Variants in SLAIN1 observed in about 807,000 individuals in gnomAD.
The protein encoded by SLAIN1 is SLAIN motif-containing protein 1.
A neutral mutation model predicts 55.4 loss-of-function variants in SLAIN1; 17 were observed. The ratio of observed to expected loss-of-function variants is 0.31; its 90% CI spans 0.21 to 0.46. SLAIN1 has a LOEUF of 0.46. Ranked by LOEUF, SLAIN1 falls within the 20% of genes least tolerant of loss-of-function variation. SLAIN1 has a pLI of 1.00. For missense variants in SLAIN1, 682 were observed against 785.1 expected, an observed-to-expected ratio of 0.87 and a Z score of 1.57; for synonymous variants, 348 against 337.4, an observed-to-expected ratio of 1.03 and a Z score of -0.35.
In SLAIN1 at chr13:77,744,382, A is replaced by G; in HGVS notation, c.866A>G (p.Lys289Arg). ...GATGATTCTATCTCCATGGGATATA[A>G]ATTACAGGACCTCACTGATGTTCAG... is the stretch of plus-strand genomic sequence containing the variant. ...LEDDSISMGYKLQDLTDVQIM... is the reference protein window; with the variant it reads ...LEDDSISMGYRLQDLTDVQIM... Residue 289 changes from lysine (K) to arginine (R), a missense_variant, in exon 3 of 7, where the codon AAA becomes AGA. By Grantham distance (26) the Lys-to-Arg change is conservative. Around this residue, in one of 3 missense-constraint regions of SLAIN1, gnomAD observed 401 missense variants for 417.3 expected, o/e 0.96. Coordinates refer to ENST00000418532, the MANE Select transcript of SLAIN1 (RefSeq NM_001242868.2). The G allele has an allele frequency of 6.2e-7, 1 of 1,612,848 alleles. No individual in the cohort carries two copies.
intron 5 of SLAIN1, among the ~76,000 whole-genome samples, chr13:77,760,187 G>A (rs2154411051): frequency 6.6e-6 from 1 of 152,214 alleles, no homozygotes; most frequent in South Asian, 2.1e-4. Context: ...AAAAACTTCT[G>A]CCTACCAGTT....
At position 77,719,608 on chromosome 13, in the gene SLAIN1, C is replaced by G; in HGVS notation, c.703C>G (p.Leu235Val). The change falls in exon 2 of 7, where the codon CTA becomes GTA. Residue 235 changes from leucine to valine, a missense_variant. Coordinates refer to ENST00000418532, the MANE Select transcript of SLAIN1 (RefSeq NM_001242868.2). ...LTPLQWCRHV[L>V]DNPTPEMEAA... The stretch of plus-strand genomic sequence containing the variant: ...TCCTTTGCAGTGGTGTAGACATGTC[C>G]TAGATAACCCAACTCCTGAGATGGA... The G allele has an allele frequency of 6.2e-7, 1 of 1,613,466 alleles. No individual in the cohort carries two copies.
chr13:77,736,869 T>G (rs1873147823), intron 2 of SLAIN1, among the ~76,000 whole-genome samples: 1 of 152,016 alleles, frequency 6.6e-6, no homozygotes. Context: ...TTTCTCAGTT[T>G]CCTTTACTCA....
At chr13:77,762,926 A>G (rs1875154605) in intron 6 of SLAIN1, among the ~76,000 whole-genome samples, 1 of 152,142 alleles carries the variant, frequency 6.6e-6, no homozygotes, top group Admixed American at 6.5e-5. Flanking sequence ...TTCTTGTGCA[A>G]ATACAACATG....
At chr13:77,729,822 G>T (rs2091340361) in intron 2 of SLAIN1, among the ~76,000 whole-genome samples, 2 of 152,136 alleles carry the variant, frequency 1.3e-5, no homozygotes, top group African/African-American at 2.4e-5. Flanking sequence ...TGACCCAGGG[G>T]TATGATCAGA....
intron 5 of SLAIN1, among the ~76,000 whole-genome samples, chr13:77,756,919 G>T (rs1334280681): frequency 6.6e-6 from 1 of 152,116 alleles, no homozygotes; most frequent in Non-Finnish European, 1.5e-5. Flanking sequence ...GCATTGTAAG[G>T]TGCTGGTGAT....
At position 77,714,797 on chromosome 13, in the gene SLAIN1, A is replaced by G. The variant is rs973311481; in HGVS notation, c.627-4735A>G. Among the ~76,000 whole-genome samples the G allele has an allele frequency of 2.6e-5, 4 of 152,156 alleles. No homozygotes were observed. The South Asian group carries it at 6.2e-4, about 24-fold the overall frequency. On this transcript the variant is annotated intron_variant, in intron 1 of 6. Transcript: ENST00000418532. ...GTTAATGTGTAGTGAACAGATTTCA[A>G]CACTTGAAGTTTCCTGTGGCCCCTT...
chr13:77,738,647 T>C (rs532012522), intron 2 of SLAIN1, among the ~76,000 whole-genome samples: 4 of 152,204 alleles, frequency 2.6e-5, no homozygotes, highest in African/African-American at 7.2e-5. Flanking sequence ...TTCTCACTTA[T>C]AAGTGGGAGC....
Position 77,735,342 on chromosome 13 carries a change from G to C in SLAIN1, c.767-8941G>C, listed in dbSNP as rs572137319. Among the ~76,000 whole-genome samples, 7 of 152,150 alleles carry C rather than the reference G, an allele frequency of 4.6e-5. No individual in the cohort carries two copies. The South Asian group carries it at 1.5e-3, about 32-fold the overall frequency. On this transcript the variant is annotated intron_variant, in intron 2 of 6. Coordinates refer to ENST00000418532, the MANE Select transcript of SLAIN1 (RefSeq NM_001242868.2). ...CTTTTCTTGGTCTTTATTACAATAT[G>C]TTATGGAAAACTGTAGTGAAGAAGT... is the stretch of plus-strand genomic sequence containing the variant.
intron 4 of SLAIN1, among the ~76,000 whole-genome samples, chr13:77,747,385 A>G (rs1873912391): frequency 6.6e-6 from 1 of 152,130 alleles, no homozygotes; most frequent in Admixed American, 6.6e-5. Context: ...GCACAGCCTC[A>G]AGAAAACCTT....
intron 1 of SLAIN1, among the ~76,000 whole-genome samples, chr13:77,709,889 G>T (rs948263986): frequency 6.6e-6 from 1 of 152,042 alleles, no homozygotes; most frequent in Non-Finnish European, 1.5e-5. Flanking sequence ...CTCTGCCTCT[G>T]CCTCCTGAGT....
intron 2 of SLAIN1, chr13:77,741,068 C>A: frequency 1.3e-6 from 1 of 750,982 alleles, no homozygotes; most frequent in Non-Finnish European, 1.6e-6. Flanking sequence ...TGCAGGGAGG[C>A]TGGGTCACAG....
intron 1 of SLAIN1, among the ~76,000 whole-genome samples, chr13:77,714,686 A>C (rs2091188743): frequency 6.6e-6 from 1 of 152,204 alleles, no homozygotes; most frequent in Non-Finnish European, 1.5e-5. Context: ...TTATTGGAAT[A>C]CAATTAATAT....
chr13:77,725,572 G>A (rs996591347), intron 2 of SLAIN1, among the ~76,000 whole-genome samples: 2 of 152,084 alleles, frequency 1.3e-5, no homozygotes, highest in Admixed American at 6.5e-5. Flanking sequence ...AAATATTTTC[G>A]AAACTTGGTT....
intron 2 of SLAIN1, among the ~76,000 whole-genome samples, chr13:77,740,930 A>G (rs1873395741): frequency 6.6e-6 from 1 of 152,036 alleles, no homozygotes; most frequent in African/African-American, 2.4e-5. Flanking sequence ...CCTTTACAAT[A>G]ATTTTCCTCC....
chr13:77,748,620 A>T (rs982502983), intron 4 of SLAIN1, among the ~76,000 whole-genome samples: 12 of 152,144 alleles, frequency 7.9e-5, no homozygotes, highest in Admixed American at 3.3e-4. Context: ...TACTCTTCAC[A>T]GGAAAGTGGA....
chr13:77,712,559 C>T (rs7330381), intron 1 of SLAIN1, among the ~76,000 whole-genome samples: 14 of 151,988 alleles, frequency 9.2e-5, no homozygotes, highest in South Asian at 4.2e-4. Context: ...GAAATCAGAG[C>T]GGACACAAAC....
chr13:77,732,088 G>A (rs978895487), intron 2 of SLAIN1, among the ~76,000 whole-genome samples: 2 of 151,946 alleles, frequency 1.3e-5, no homozygotes, highest in Admixed American at 1.3e-4. Flanking sequence ...ACTTTCTATC[G>A]TCTCTTAAGA....
At chr13:77,709,295 T>C (rs902196388) in intron 1 of SLAIN1, among the ~76,000 whole-genome samples, 1 of 152,156 alleles carries the variant, frequency 6.6e-6, no homozygotes, top group Non-Finnish European at 1.5e-5. Flanking sequence ...TTGGTGTACC[T>C]GAAAGTGACT....
Sources: allele counts gnomAD v4.1 joint callset (sites outside exome capture counted in the v4.1 genomes callset), GRCh38; gene constraint gnomAD v4.1.1; regional missense constraint gnomAD v4.1.1; transcripts MANE v1.5; gene names NCBI Gene and HGNC (gene_info 2026-07-23, HGNC 2026-07-21).